Variants in ERBB2 observed in about 807,000 individuals in gnomAD.
The protein encoded by ERBB2 is receptor tyrosine-protein kinase erbB-2.
ERBB2 carries 61 observed loss-of-function variants against 149.0 expected under a neutral mutation model. That is an observed-to-expected ratio of 0.41 (90% CI 0.33 to 0.51). The LOEUF is 0.51. Ranked by LOEUF, ERBB2 falls within the 20% of genes least tolerant of loss-of-function variation. The pLI, the probability that ERBB2 is intolerant of heterozygous loss-of-function variation, is 0.25. For missense variants in ERBB2, 1,205 were observed against 1,655.1 expected, an observed-to-expected ratio of 0.73 and a Z score of 4.72; for synonymous variants, 633 against 678.8, an observed-to-expected ratio of 0.93 and a Z score of 1.05.
intron 1 of ERBB2, among the ~76,000 whole-genome samples, chr17:39,701,065 G>C (rs1449821572): frequency 6.6e-6 from 1 of 152,002 alleles, no homozygotes; most frequent in Non-Finnish European, 1.5e-5. Context: ...TCCCAGAGAA[G>C]GAAGCTAAGA....
At position 39,727,265 on chromosome 17, in the gene ERBB2, C is replaced by T. The variant is rs1271841841; in HGVS notation, c.3160-30C>T. ...TCCCCATCCCAGATCCGTGAGTGAC[C>T]CCCATCATGACTTTCTTTCTTGTCC... On this transcript the variant is annotated intron_variant, in intron 25 of 26. Transcript: ENST00000269571. The surrounding 1 kb of genome is among the most constrained non-coding windows in gnomAD (Gnocchi z 4.3). The T allele has an allele frequency of 3.1e-6, 5 of 1,609,802 alleles. No individual in the cohort carries two copies. Among genetic ancestry groups the T allele is most frequent in the Non-Finnish European group, 4.2e-6 (5 of 1,179,030 alleles).
At chr17:39,698,269 T>G (rs1215172524), upstream of ERBB2, among the ~76,000 whole-genome samples, 1 of 151,712 alleles carries the variant, frequency 6.6e-6, no homozygotes, top group Non-Finnish European at 1.5e-5. Flanking sequence ...GATTTTTTTT[T>G]TTTTTTTTGA....
exon 1 of ERBB2, chr17:39,695,027 T>C (rs1397180309): frequency 1.3e-5 from 2 of 152,470 alleles, no homozygotes; most frequent in Non-Finnish European, 2.9e-5. Context: ...CATGCAAAGC[T>C]ACTCCCTGAG....
At chr17:39,724,660 G>A (rs2145843443) in intron 19 of ERBB2, 66 bp from the exon 20 acceptor site, 1 of 1,441,404 alleles carries the variant, frequency 6.9e-7, no homozygotes, top group Non-Finnish European at 9.7e-7. Context: ...TGTGATGGTT[G>A]GGAGGCTGTG....
At chr17:39,724,533 C>T (rs2059638930) in intron 19 of ERBB2, among the ~76,000 whole-genome samples, 193 bp from the exon 20 acceptor site, 1 of 152,030 alleles carries the variant, frequency 6.6e-6, no homozygotes, top group Admixed American at 6.6e-5. Flanking sequence ...GCTGGGATTA[C>T]AGGTGTGAGC....
Position 39,712,380 on chromosome 17 carries a change from T to C in ERBB2, c.1080T>C (p.Asn360=), listed in dbSNP as rs762129422. The C allele has an allele frequency of 1.3e-6, 2 of 1,574,610 alleles. No homozygotes were observed. The highest frequency in any genetic ancestry group is 2.4e-5 in the East Asian group (1 of 42,130). The part of the protein sequence containing the change: ...LREVRAVTSA[N]IQEFAGCKKI... The stretch of plus-strand genomic sequence containing the variant: ...AGGTGAGGGCAGTTACCAGTGCCAA[T>C]ATCCAGGAGTTTGCTGGCTGCAAGA... The change falls in exon 9 of 27, where the codon AAT becomes AAC. Residue 360 remains asparagine (N), a synonymous_variant. Coordinates refer to ENST00000269571, the MANE Select transcript of ERBB2 (RefSeq NM_004448.4).
At chr17:39,699,752 C>T (rs939062245), upstream of ERBB2, among the ~76,000 whole-genome samples, 4 of 152,224 alleles carry the variant, frequency 2.6e-5, no homozygotes, top group African/African-American at 9.6e-5. Flanking sequence ...TTAAGAGTGG[C>T]AGCCTAGGGA....
Position 39,727,593 on chromosome 17 carries a change from G to C in ERBB2, c.3412+46G>C, listed in dbSNP as rs920107107. The C allele has an allele frequency of 6.3e-7, 1 of 1,579,366 alleles. No individual in the cohort carries two copies. Among genetic ancestry groups the C allele is most frequent in the Non-Finnish European group, 8.6e-7 (1 of 1,169,584 alleles). ...AGAGAGACTGATGGGCAGGGGAGGT[G>C]GGACCTTCAGCCCAGGGTCCACTGT... On this transcript the variant is annotated intron_variant, in intron 26 of 26. Coordinates refer to ENST00000269571, the MANE Select transcript of ERBB2 (RefSeq NM_004448.4). The surrounding 1 kb of genome is among the most constrained non-coding windows in gnomAD (Gnocchi z 4.3).
upstream of ERBB2, among the ~76,000 whole-genome samples, chr17:39,695,710 C>CAT (rs1299089987): frequency 3.5e-5 from 4 of 113,416 alleles, no homozygotes; most frequent in African/African-American, 1.4e-4. Flanking sequence ...TGCATACACA[C>CAT]ACACACACAC....
chr17:39,709,097 C>A, intron 3 of ERBB2: 1 of 586,108 alleles, frequency 1.7e-6, no homozygotes, highest in Non-Finnish European at 3.0e-6. Flanking sequence ...AGCATCTGGA[C>A]CTAGCATGGA....
intron 2 of ERBB2, among the ~76,000 whole-genome samples, chr17:39,689,919 A>T (rs892882192): frequency 6.6e-6 from 1 of 151,172 alleles, no homozygotes; most frequent in Non-Finnish European, 1.5e-5. Flanking sequence ...AAAAAAAAAG[A>T]AAAAGAAAAT....
At chr17:39,724,952 C>T (rs2145856685) in intron 20 of ERBB2, 41 bp downstream of exon 20, 1 of 1,608,398 alleles carries the variant, frequency 6.2e-7, no homozygotes, top group Non-Finnish European at 8.5e-7. Context: ...CGGAGCAAAC[C>T]CCTATGTCCA....
At chr17:39,715,232 GA>G in intron 9 of ERBB2, 53 bp from the exon 10 acceptor site, 1 of 1,483,184 alleles carries the variant, frequency 6.7e-7, no homozygotes, top group South Asian at 1.1e-5. Context: ...CCAGTGCTGG[GA>G]GTGATGTCCA....
intron 19 of ERBB2, 41 bp from the exon 20 acceptor site, chr17:39,724,685 G>T (rs375232316): frequency 6.4e-7 from 1 of 1,570,698 alleles, no homozygotes; most frequent in Non-Finnish European, 8.7e-7. Flanking sequence ...GTTTGGGGGT[G>T]TGTGGTCTCC....
At chr17:39,715,221 G>C (rs1482020618) in intron 9 of ERBB2, 65 bp from the exon 10 acceptor site, 2 of 1,372,654 alleles carry the variant, frequency 1.5e-6, no homozygotes, top group Non-Finnish European at 2.1e-6. Context: ...GGCTGGCATG[G>C]CCAGTGCTGG....
chr17:39,723,912 G>A lies in ERBB2; in HGVS notation c.2209G>A (p.Gly737Ser), dbSNP rs2145824908. The A allele has an allele frequency of 1.2e-6, 2 of 1,612,986 alleles. No homozygotes were observed. The highest frequency in any genetic ancestry group is 1.7e-6 in the Non-Finnish European group (2 of 1,179,036). ...CTCATATCCTCCTCTTTCTGCCCAG[G>A]GCATCTGGATCCCTGATGGGGAGAA... ...GSGAFGTVYK[G>S]IWIPDGENVK... The change falls in exon 19 of 27, where the codon GGC (glycine) becomes AGC (serine). Residue 737 changes from glycine (G) to serine (S), a missense_variant and splice_region_variant. By Grantham distance (56) the Gly-to-Ser change is moderately conservative. Coordinates refer to ENST00000269571, the MANE Select transcript of ERBB2 (RefSeq NM_004448.4). The surrounding 1 kb of genome is among the most constrained non-coding windows in gnomAD (Gnocchi z 6.2).
At position 39,724,010 on chromosome 17, in the gene ERBB2, C is replaced by A. The variant is rs774610157; in HGVS notation, c.2307C>A (p.Asp769Glu). 6.2e-7 allele frequency: 1 copy of A among 1,610,230 alleles called. No homozygotes were observed. Among genetic ancestry groups the A allele is most frequent in the Non-Finnish European group, 8.5e-7 (1 of 1,177,258 alleles). ...TSPKANKEIL[D>E]EAYVMAGVGS... Reference sequence around the variant, plus strand: ...CCAAAGCCAACAAAGAAATCTTAGACGTAAGCCCCTCCACCCTCTCCTGCT... The same window carrying A: ...CCAAAGCCAACAAAGAAATCTTAGAAGTAAGCCCCTCCACCCTCTCCTGCT... Residue 769 changes from aspartate (D) to glutamate (E), a missense_variant and splice_region_variant, in exon 19 of 27, where the codon GAC becomes GAA. By Grantham distance (45) the Asp-to-Glu change is conservative. Transcript: ENST00000269571.
At chr17:39,706,737 G>A in intron 1 of ERBB2, 1 of 357,978 alleles carries the variant, frequency 2.8e-6, no homozygotes, top group Non-Finnish European at 5.0e-6. Flanking sequence ...CTGGCACGCT[G>A]GGGCAGCCTC....
chr17:39,711,336 C>T (rs2058786518), intron 7 of ERBB2, among the ~76,000 whole-genome samples: 1 of 152,130 alleles, frequency 6.6e-6, no homozygotes, highest in Admixed American at 6.5e-5. Context: ...GAACTACAGG[C>T]ATGCACCACC....
Sources: allele counts gnomAD v4.1 joint callset (sites outside exome capture counted in the v4.1 genomes callset), GRCh38; gene constraint gnomAD v4.1.1; non-coding constraint Gnocchi (gnomAD v3.1); transcripts MANE v1.5; gene names NCBI Gene and HGNC (gene_info 2026-07-23, HGNC 2026-07-21).